The following ATAD2B variants were observed in gnomAD, a reference collection of about 807,000 sequenced individuals.
ATAD2B encodes the protein ATPase family AAA domain containing 2B.
A neutral mutation model predicts 167.6 loss-of-function variants in ATAD2B; 40 were observed. That is an observed-to-expected ratio of 0.24 (90% CI 0.19 to 0.31). The LOEUF (loss-of-function observed/expected upper bound fraction) is 0.31. ATAD2B is among the 10% of genes least tolerant of loss of function. ATAD2B has a pLI of 1.00. For synonymous variants in ATAD2B, 579 were observed against 596.5 expected (o/e 0.97, Z 0.43); for missense variants, 1,242 against 1,757.2 (o/e 0.71, Z 5.24).
chr2:23,887,895 C>G lies in ATAD2B; in HGVS notation c.509G>C (p.Arg170Pro). Reference protein sequence around the residue: ...NGDMEVRKSCRSRKNRFESVN... With the variant: ...NGDMEVRKSCPSRKNRFESVN... ...ACTTTCAAATCTGTTTTTCCTGGAA[C>G]GACAACTTTTTCTGACTTCCATGTC... The change falls in exon 4 of 28, where the codon CGT (arginine) becomes CCT (proline). Residue 170 changes from arginine to proline, a missense_variant. By Grantham distance (103) the Arg-to-Pro change is moderately radical. This residue lies in a region of ATAD2B where 99 missense variants were observed against 160.4 expected (regional missense o/e 0.62). Transcript: ENST00000238789. 6.2e-7 allele frequency: 1 copy of G among 1,610,662 alleles called. No homozygotes were observed. Among genetic ancestry groups the G allele is most frequent in the South Asian group, 1.1e-5 (1 of 90,412 alleles).
chr2:23,699,413 T>C, the ATAD2B span, among the ~76,000 whole-genome samples: 8 of 152,096 alleles, frequency 5.3e-5, no homozygotes, highest in African/African-American at 1.9e-4. Flanking sequence ...AGGGCCTAAG[T>C]ATGGAGGCAA....
intron 13 of ATAD2B, among the ~76,000 whole-genome samples, chr2:23,844,343 A>G (rs1308145076): frequency 6.6e-6 from 1 of 152,162 alleles, no homozygotes; most frequent in South Asian, 2.1e-4. Flanking sequence ...CACTTCAAGA[A>G]TATCTACTTA....
downstream of ATAD2B, among the ~76,000 whole-genome samples, chr2:23,747,194 C>A (rs958453052): frequency 2.0e-5 from 3 of 151,908 alleles, no homozygotes; most frequent in African/African-American, 7.3e-5. Context: ...ATCTCCCCTT[C>A]CCTCATGAAT....
intron 1 of ATAD2B, among the ~76,000 whole-genome samples, chr2:23,916,646 C>T (rs1703078919): frequency 6.6e-6 from 1 of 152,088 alleles, no homozygotes; most frequent in Non-Finnish European, 1.5e-5. Context: ...AAATAATATC[C>T]TATTTCTTCA....
At chr2:23,716,947 T>C in the ATAD2B span, among the ~76,000 whole-genome samples, 1 of 152,194 alleles carries the variant, frequency 6.6e-6, no homozygotes. Context: ...ACCTAGAACC[T>C]GTGCTTGGCA....
At chr2:23,870,431 C>T (rs1695781035) in intron 8 of ATAD2B, among the ~76,000 whole-genome samples, 1 of 151,440 alleles carries the variant, frequency 6.6e-6, no homozygotes, top group Non-Finnish European at 1.5e-5. Flanking sequence ...AGACTGGAGG[C>T]ACCCGCCACC....
chr2:23,916,438 A>C (rs554861440), intron 1 of ATAD2B, among the ~76,000 whole-genome samples: 2 of 152,346 alleles, frequency 1.3e-5, no homozygotes, highest in East Asian at 3.9e-4. Context: ...TTTAAGTCCA[A>C]AAATAATGGC....
chr2:23,851,685 T>C (rs539410102), intron 13 of ATAD2B, among the ~76,000 whole-genome samples: 87 of 152,292 alleles, frequency 5.7e-4, no homozygotes, highest in African/African-American at 2.0e-3. Flanking sequence ...TGGACAAACA[T>C]ATCATGATGT....
downstream of ATAD2B, among the ~76,000 whole-genome samples, chr2:23,744,643 G>A (rs918691365): frequency 2.0e-5 from 3 of 152,160 alleles, no homozygotes; most frequent in African/African-American, 7.2e-5. Flanking sequence ...GACCTGCAGA[G>A]GGGTGAAATA....
rs1399431891 is a variant in ATAD2B at position 23,749,985 on chromosome 2, C to T, written c.*2061G>A. 1 of 151,866 alleles carries T rather than the reference C, an allele frequency of 6.6e-6. No individual in the cohort carries two copies. The highest frequency in any genetic ancestry group is 1.5e-5 in the Non-Finnish European group (1 of 67,954). The allele number at this position is 151,866 out of a possible 1,614,324, so 9.4% of individuals were successfully genotyped here. A position where few individuals can be genotyped will look rare whatever the true frequency, so the allele number is the denominator to read the frequency against. The stretch of plus-strand genomic sequence containing the variant: ...TGAGACTTGCAAAAAACCCTTTTAC[C>T]AGAAACTTGCTACAAAAAATCTGCT... On this transcript the variant is annotated 3_prime_UTR_variant, in exon 28 of 28. Transcript: ENST00000238789.
intron 16 of ATAD2B, 22 bp downstream of exon 16, chr2:23,823,236 A>G (rs999826234): frequency 2.6e-6 from 4 of 1,556,236 alleles, no homozygotes; most frequent in Admixed American, 1.9e-5. Context: ...TCTTAACAAT[A>G]TAAAAAAGTA....
Position 23,856,366 on chromosome 2 carries a change from A to C in ATAD2B, c.1568+1049T>G, listed in dbSNP as rs79655424. The stretch of plus-strand genomic sequence containing the variant: ...CATGTGAAAATTCAAACAGTTTCAA[A>C]TGTTGGAACATTTCAGATTTCAGAT... On this transcript the variant is annotated intron_variant, in intron 13 of 27. Coordinates refer to ENST00000238789, the MANE Select transcript of ATAD2B (RefSeq NM_017552.4). The C allele has an allele frequency of 7.2e-3, 1,996 of 276,106 alleles. 38 individuals carry two copies. The highest frequency in any genetic ancestry group is 0.044 in the African/African-American group (1,873 of 42,832). The allele number at this position is 276,106 out of a possible 1,614,324, so 17.1% of individuals were successfully genotyped here.
At chr2:23,774,546 G>C (rs1344793056) in intron 22 of ATAD2B, among the ~76,000 whole-genome samples, 3 of 152,164 alleles carry the variant, frequency 2.0e-5, no homozygotes, top group Admixed American at 2.0e-4. Context: ...TATTTCTACA[G>C]AATGTTACCA....
chr2:23,873,072 G>A (rs2150124878), intron 8 of ATAD2B: 1 of 520,078 alleles, frequency 1.9e-6, no homozygotes, highest in Non-Finnish European at 3.5e-6. Flanking sequence ...TCTTCAGGAA[G>A]ATAGTTGCAA....
At chr2:23,774,855 G>A (rs916659394) in intron 22 of ATAD2B, among the ~76,000 whole-genome samples, 6 of 152,162 alleles carry the variant, frequency 3.9e-5, no homozygotes, top group African/African-American at 9.7e-5. Flanking sequence ...AGCTGAGATC[G>A]TGCCATTGTG....
At chr2:23,755,596 ACAGGAT>A (rs1332839957) in intron 25 of ATAD2B, among the ~76,000 whole-genome samples, 3 of 152,276 alleles carry the variant, frequency 2.0e-5, no homozygotes, top group Non-Finnish European at 2.9e-5. Flanking sequence ...AGAATTTCAT[ACAGGAT>A]GTGGCCCATG....
chr2:23,874,347 G>A (rs1696479570), intron 8 of ATAD2B, among the ~76,000 whole-genome samples: 1 of 152,098 alleles, frequency 6.6e-6, no homozygotes, highest in East Asian at 1.9e-4. Flanking sequence ...CATGACCTCT[G>A]AGTTGGCAAT....
intron 15 of ATAD2B, among the ~76,000 whole-genome samples, chr2:23,825,313 T>G (rs6748701): frequency 6.6e-6 from 1 of 152,078 alleles, no homozygotes; most frequent in South Asian, 2.1e-4. Flanking sequence ...TGGTGATTAC[T>G]AAGAAAAACC....
intron 13 of ATAD2B, among the ~76,000 whole-genome samples, chr2:23,835,752 A>G (rs1689829773): frequency 6.6e-6 from 1 of 152,162 alleles, no homozygotes. Flanking sequence ...CCTGGCCAAC[A>G]TGGTGAAACC....
Sources: gnomAD v4.1 joint callset for allele counts (sites outside exome capture counted in the v4.1 genomes callset) on GRCh38, gnomAD v4.1.1 for gene constraint, gnomAD v4.1.1 regional missense constraint, MANE v1.5 for transcripts, NCBI Gene and HGNC (gene_info 2026-07-23, HGNC 2026-07-21) for gene names.